SLC6A16: variants seen among roughly 807,000 people sequenced by gnomAD.
SLC6A16 encodes the protein orphan sodium- and chloride-dependent neurotransmitter transporter NTT5.
In SLC6A16, 54 loss-of-function variants were observed where a neutral mutation model predicts 65.4. The ratio of observed to expected loss-of-function variants is 0.83; its 90% confidence interval spans 0.66 to 1.04. The LOEUF is 1.04. SLC6A16 is among the 50% of genes least tolerant of loss of function. The pLI is 0.00. For missense variants in SLC6A16, 816 were observed against 914.0 expected (o/e 0.89, Z 1.38); for synonymous variants, 330 against 346.5 (o/e 0.95, Z 0.53).
chr19:49,298,479 A>G (rs1970224855), intron 7 of SLC6A16, among the ~76,000 whole-genome samples: 1 of 152,258 alleles, frequency 6.6e-6, no homozygotes, highest in Admixed American at 6.5e-5. Context: ...GCAGCCAACA[A>G]ATATATGAAA....
At chr19:49,294,907 T>G (rs1383185433) in intron 7 of SLC6A16, among the ~76,000 whole-genome samples, 1 of 152,100 alleles carries the variant, frequency 6.6e-6, no homozygotes, top group East Asian at 1.9e-4. Context: ...TTACAGCATG[T>G]CCGGGAGCAC....
chr19:49,291,901 T>C (rs1408766329), intron 10 of SLC6A16, among the ~76,000 whole-genome samples: 2 of 152,170 alleles, frequency 1.3e-5, no homozygotes, highest in African/African-American at 4.8e-5. Flanking sequence ...CCCCCGGAGT[T>C]GCCCTGGCTA....
In SLC6A16 at chr19:49,290,046, C is replaced by T. The variant is rs1206889091; in HGVS notation, c.*77G>A. ...GTGGTTCTGGATCCAGGGAGATCAA[C>T]AGTTGCAAGCTGATATTAAGAGTTG... On this transcript the variant is annotated 3_prime_UTR_variant, in exon 12 of 12. Transcript: ENST00000335875. 5.8e-5 allele frequency: 84 copies of T among 1,437,632 alleles called. 1 individual carries two copies. Among genetic ancestry groups the T allele is most frequent in the Non-Finnish European group, 6.7e-6 (7 of 1,052,502 alleles). 89.1% of individuals were successfully genotyped at this position (1,437,632 alleles called of 1,614,324 possible). A position where few individuals can be genotyped will look rare whatever the true frequency, so the allele number is the denominator to read the frequency against.
Position 49,311,305 on chromosome 19 carries a change from T to C in SLC6A16, c.43A>G (p.Thr15Ala). The C allele has an allele frequency of 6.2e-7, 1 of 1,604,742 alleles. No individual in the cohort carries two copies. Among genetic ancestry groups the C allele is most frequent in the Non-Finnish European group, 8.5e-7 (1 of 1,175,838 alleles). The change falls in exon 2 of 12, where the codon ACC (threonine) becomes GCC (alanine). Residue 15 changes from threonine to alanine, a missense_variant. Coordinates refer to ENST00000335875, the MANE Select transcript of SLC6A16 (RefSeq NM_014037.3). ...AQPSTSLLAN[T>A]SWTGTVISDS... is the part of the protein sequence containing the mutation. ...GAAATCACTGTGCCAGTCCATGAGG[T>C]GTTTGCCAGCAAGGATGTCGAAGGC...
chr19:49,333,055 T>G, the SLC6A16 span, among the ~76,000 whole-genome samples: 2 of 150,682 alleles, frequency 1.3e-5, no homozygotes, highest in Non-Finnish European at 3.0e-5. Flanking sequence ...CCAGCTACTC[T>G]GGAGGCTGAG....
At chr19:49,330,462 C>T in the SLC6A16 span, among the ~76,000 whole-genome samples, 1 of 151,906 alleles carries the variant, frequency 6.6e-6, no homozygotes, top group Non-Finnish European at 1.5e-5. Flanking sequence ...GCTAGGACTC[C>T]CCAAATTTTA....
Position 49,311,027 on chromosome 19 carries a change from G to A in SLC6A16, c.321C>T (p.Ser107=). ...GAGCCAGAATATACTCAGTTTTGCT[G>A]GACCAGAACGGACGGGCAAGGAGGA... ...SEVLLARPFW[S]SKTEYILAQV... is the part of the protein sequence containing the mutation. Residue 107 remains serine, a synonymous_variant, in exon 2 of 12, where the codon TCC becomes TCT. Transcript: ENST00000335875. The A allele has an allele frequency of 6.2e-7, 1 of 1,614,174 alleles. No homozygotes were observed. The highest frequency in any genetic ancestry group is 8.5e-7 in the Non-Finnish European group (1 of 1,180,042).
chr19:49,290,456 G>A, intron 11 of SLC6A16, 64 bp from the exon 12 acceptor site: 3 of 1,582,748 alleles, frequency 1.9e-6, no homozygotes, highest in Middle Eastern at 1.7e-4. Context: ...AAGAGTTGTG[G>A]AGGGGAAGGA....
chr19:49,327,029 A>T (rs1011567631), upstream of SLC6A16, among the ~76,000 whole-genome samples: 1 of 152,052 alleles, frequency 6.6e-6, no homozygotes, highest in African/African-American at 2.4e-5. Flanking sequence ...AAGGAAAAAA[A>T]AAAAAGTGCT....
intron 1 of SLC6A16, among the ~76,000 whole-genome samples, chr19:49,317,707 G>C (rs1970637940): frequency 6.6e-6 from 1 of 152,038 alleles, no homozygotes; most frequent in African/African-American, 2.4e-5. Flanking sequence ...TCGGGAGGCT[G>C]TGGCAGGAGA....
At chr19:49,335,462 CTCTT>C in the SLC6A16 span, 7 of 1,005,608 alleles carry the variant, frequency 7.0e-6, no homozygotes, top group African/African-American at 1.6e-5. This position sits in a 1 kb window ranked among gnomAD's most constrained non-coding sequence, Gnocchi z 4.6. Flanking sequence ...CTCTCTCAGC[CTCTT>C]TCTTTCTCCC....
intron 7 of SLC6A16, among the ~76,000 whole-genome samples, chr19:49,298,271 T>C (rs919562341): frequency 2.0e-5 from 3 of 152,170 alleles, no homozygotes; most frequent in African/African-American, 7.2e-5. Context: ...TGGGATCCAA[T>C]TAAACTGAAG....
At position 49,293,899 on chromosome 19, in the gene SLC6A16, T is replaced by C. The variant is rs1248913989; in HGVS notation, c.1546A>G (p.Ile516Val). 1 of 1,613,962 alleles carries C rather than the reference T, an allele frequency of 6.2e-7. No individual in the cohort carries two copies. The highest frequency in any genetic ancestry group is 2.2e-5 in the East Asian group (1 of 44,860). The change falls in exon 9 of 12, where the codon ATT becomes GTT. Residue 516 changes from isoleucine (I) to valine (V), a missense_variant. Physicochemically the swap from Ile to Val is conservative, Grantham distance 29. Transcript: ENST00000335875. The stretch of plus-strand genomic sequence containing the variant: ...AGTGGAGTAATGATGCCCTGCATAA[T>C]CCCTATTGCGCTGCTCAGCCCCATG... ...LAMGLSSAIG[I>V]MQGIITPLQD...
intron 1 of SLC6A16, chr19:49,312,462 T>C (rs1291697797): frequency 1.7e-6 from 1 of 590,248 alleles, no homozygotes; most frequent in African/African-American, 2.0e-5. Flanking sequence ...AATTTATTCA[T>C]TGTCCATCTC....
chr19:49,339,882 C>G, the SLC6A16 span: 42 of 1,342,444 alleles, frequency 3.1e-5, no homozygotes, highest in East Asian at 6.3e-4. This position sits in a 1 kb window ranked among gnomAD's most constrained non-coding sequence, Gnocchi z 4.5. Flanking sequence ...CCCTGGGGCT[C>G]TGGCCGCTGT....
chr19:49,299,027 C>T (rs889904344), intron 7 of SLC6A16, among the ~76,000 whole-genome samples: 3 of 151,562 alleles, frequency 2.0e-5, no homozygotes, highest in Non-Finnish European at 2.9e-5. Context: ...AGGCAGATCA[C>T]GAGGTCAGGA....
chr19:49,290,892 G>T, intron 10 of SLC6A16, 125 bp from the exon 11 acceptor site: 1 of 840,826 alleles, frequency 1.2e-6, no homozygotes, highest in Non-Finnish European at 1.8e-6. Context: ...TTCATCTCAA[G>T]TCTTGTCCTC....
At chr19:49,332,402 A>C in the SLC6A16 span, 1 of 394,796 alleles carries the variant, frequency 2.5e-6, no homozygotes, top group Non-Finnish European at 5.0e-6. Context: ...TAAAAATACT[A>C]AAATCAGCTG....
At chr19:49,332,205 G>A in the SLC6A16 span, 1 of 456,674 alleles carries the variant, frequency 2.2e-6, no homozygotes, top group Non-Finnish European at 4.4e-6. Context: ...CAATTTCTGT[G>A]TCTACCATCA....
Sources: gnomAD v4.1 joint callset for allele counts (sites outside exome capture counted in the v4.1 genomes callset) on GRCh38, gnomAD v4.1.1 for gene constraint, Gnocchi (gnomAD v3.1) non-coding constraint, MANE v1.5 for transcripts, NCBI Gene and HGNC (gene_info 2026-07-23, HGNC 2026-07-21) for gene names.